Variants in EHD1 observed in about 807,000 individuals in gnomAD.
EHD1 encodes EH domain containing 1, also known as EH domain-containing protein 1.
Under a neutral mutation model 39.0 loss-of-function variants are expected in EHD1, and 19 were observed. That is an observed-to-expected ratio of 0.49 (90% CI 0.34 to 0.72). EHD1 has a LOEUF of 0.72. Among genes scored for constraint, EHD1 ranks in the 30% least tolerant of loss-of-function variants. EHD1 has a pLI of 0.01. For missense variants in EHD1, 542 were observed against 751.5 expected (o/e 0.72, Z 3.26); for synonymous variants, 323 against 331.2 (o/e 0.98, Z 0.27).
rs376541782 is a variant in EHD1 at position 64,878,492 on chromosome 11, G to A, written c.-28C>T. On this transcript the variant is annotated 5_prime_UTR_variant, in exon 1 of 5. Coordinates refer to ENST00000320631, the MANE Select transcript of EHD1 (RefSeq NM_006795.4). ...TGCCGGACACGGGGCTGGCTGCTGC[G>A]GGGCAGAGCGGCGGCTGAGAGCGGG... 143 of 1,568,100 alleles carry A rather than the reference G, an allele frequency of 9.1e-5. 2 individuals are homozygous for A. Among genetic ancestry groups the A allele is most frequent in the East Asian group, 3.4e-4 (15 of 44,286 alleles).
intron 2 of EHD1, among the ~76,000 whole-genome samples, chr11:64,863,689 A>G (rs1943738878): frequency 6.6e-6 from 1 of 152,188 alleles, no homozygotes; most frequent in African/African-American, 2.4e-5. Context: ...GCCCAAAGCC[A>G]CAGGGGCGCG....
intron 2 of EHD1, among the ~76,000 whole-genome samples, chr11:64,865,372 GC>G (rs1226399762): frequency 6.6e-6 from 1 of 152,252 alleles, no homozygotes; most frequent in Non-Finnish European, 1.5e-5. Flanking sequence ...GAGCTGGACG[GC>G]CGGTATCAAG....
chr11:64,867,989 G>A (rs999431479), intron 2 of EHD1, among the ~76,000 whole-genome samples: 3 of 152,210 alleles, frequency 2.0e-5, no homozygotes, highest in Non-Finnish European at 2.9e-5. Context: ...GCCTTACAGG[G>A]TCTGCCTTCC....
At chr11:64,872,682 C>G (rs1039583569) in intron 2 of EHD1, among the ~76,000 whole-genome samples, 2 of 151,984 alleles carry the variant, frequency 1.3e-5, no homozygotes, top group African/African-American at 4.8e-5. Flanking sequence ...AATCTAACAG[C>G]TTAACTGGCA....
At chr11:64,872,904 C>T (rs1943845055) in intron 2 of EHD1, among the ~76,000 whole-genome samples, 1 of 152,218 alleles carries the variant, frequency 6.6e-6, no homozygotes, top group Admixed American at 6.5e-5. Flanking sequence ...AAGGCCAGTC[C>T]AGAGGGTAAG....
At chr11:64,860,468 C>T (rs890421230) in intron 2 of EHD1, 132 bp from the exon 3 acceptor site, 125 of 1,272,504 alleles carry the variant, frequency 9.8e-5, no homozygotes, top group Non-Finnish European at 1.3e-4. Context: ...GGCGTGGTGG[C>T]TCACGCCTGT....
rs540475408 is a variant in EHD1, at chr11:64,863,987, G to A, written c.503-3651C>T. On this transcript the variant is annotated intron_variant, in intron 2 of 4. Transcript: ENST00000320631. ...GGCTCTGTGGGAACAAGGGGCCAGCGGCCTGGACCCATCACCGGTCAAGGA... is the reference window on the plus strand; with the variant it reads ...GGCTCTGTGGGAACAAGGGGCCAGCAGCCTGGACCCATCACCGGTCAAGGA... Among the ~76,000 whole-genome samples, 69 of 152,342 alleles carry A rather than the reference G, an allele frequency of 4.5e-4. 1 individual carries two copies. Among genetic ancestry groups the A allele is most frequent in the African/African-American group, 1.5e-3 (64 of 41,576 alleles).
intron 2 of EHD1, among the ~76,000 whole-genome samples, chr11:64,867,373 C>T (rs1023211264): frequency 1.3e-4 from 20 of 150,334 alleles, no homozygotes; most frequent in Admixed American, 8.0e-4. Flanking sequence ...GAGCTGAGAT[C>T]GCACCACTGC....
intron 3 of EHD1, among the ~76,000 whole-genome samples, chr11:64,857,967 A>G (rs1592745190): frequency 1.3e-5 from 2 of 151,006 alleles, no homozygotes; most frequent in Non-Finnish European, 2.9e-5. Context: ...GGCAGGCAGG[A>G]CAGTTCCCCA....
At chr11:64,874,743 C>T (rs1457566018) in intron 1 of EHD1, among the ~76,000 whole-genome samples, 1 of 152,252 alleles carries the variant, frequency 6.6e-6, no homozygotes, top group African/African-American at 2.4e-5. Context: ...TGACCCAAAT[C>T]AGCACTTCCT....
chr11:64,854,546 GC>G lies in EHD1; in HGVS notation c.1391del (p.Gly464AlafsTer9). ...TLSPVNGKIT[G>X]ANAKKEMVKS... ...TCACCATCTCCTTCTTGGCGTTGGCGCCCGTGATCTTGCCGTTGACAGGGGA... is the reference window on the plus strand; with the variant it reads ...TCACCATCTCCTTCTTGGCGTTGGCGCCGTGATCTTGCCGTTGACAGGGGA... On this transcript the variant is annotated frameshift_variant, in exon 5 of 5. Coordinates refer to ENST00000320631, the MANE Select transcript of EHD1 (RefSeq NM_006795.4). LOFTEE classifies it high-confidence loss of function. 3 of 1,614,128 alleles carry G rather than the reference GC, an allele frequency of 1.9e-6. No individual in the cohort carries two copies. Among genetic ancestry groups the G allele is most frequent in the Non-Finnish European group, 2.5e-6 (3 of 1,179,990 alleles).
At position 64,874,470 on chromosome 11, in the gene EHD1, G is replaced by A; in HGVS notation, c.453C>T (p.Ile151=). 1 of 1,611,472 alleles carries A rather than the reference G, an allele frequency of 6.2e-7. No individual in the cohort carries two copies. The highest frequency in any genetic ancestry group is 8.5e-7 in the Non-Finnish European group (1 of 1,179,006). The part of the protein sequence containing the change: ...LPNPVLDSIS[I]IDTPGILSGE... Reference sequence around the variant, plus strand: ...CAGACAGGATCCCGGGGGTGTCGATGATGCTGATGCTGTCCAGGACGGGGT... The same window carrying A: ...CAGACAGGATCCCGGGGGTGTCGATAATGCTGATGCTGTCCAGGACGGGGT... Residue 151 remains isoleucine (I), a synonymous_variant, in exon 2 of 5, where the codon ATC becomes ATT. Coordinates refer to ENST00000320631, the MANE Select transcript of EHD1 (RefSeq NM_006795.4).
chr11:64,854,522 C>T lies in EHD1; in HGVS notation c.1416G>A (p.Val472=), dbSNP rs768406850. Residue 472 remains valine, a synonymous_variant, in exon 5 of 5, where the codon GTG becomes GTA. Transcript: ENST00000320631. ...GCACGGTGTTGGGGAGCTTGGACTT[C>T]ACCATCTCCTTCTTGGCGTTGGCGC... ...ITGANAKKEM[V]KSKLPNTVLG... 10 of 1,614,092 alleles carry T rather than the reference C, an allele frequency of 6.2e-6. 1 individual carries two copies. In the South Asian group the frequency reaches 1.1e-4, roughly 18 times the overall value.
chr11:64,866,193 A>C (rs185489147), intron 2 of EHD1, among the ~76,000 whole-genome samples: 4 of 152,344 alleles, frequency 2.6e-5, no homozygotes, highest in Non-Finnish European at 1.5e-5. Context: ...GAACAAGATC[A>C]TGACCTTTGC....
At position 64,878,301 on chromosome 11, in the gene EHD1, A is replaced by T; in HGVS notation, c.164T>A (p.Phe55Tyr). The T allele has an allele frequency of 4.3e-6, 7 of 1,614,154 alleles. No individual in the cohort carries two copies. Among genetic ancestry groups the T allele is most frequent in the Non-Finnish European group, 5.9e-6 (7 of 1,180,020 alleles). The change falls in exon 1 of 5, where the codon TTC becomes TAC. Residue 55 changes from phenylalanine to tyrosine, a missense_variant. Coordinates refer to ENST00000320631, the MANE Select transcript of EHD1 (RefSeq NM_006795.4). ...FHSPALEDAD[F>Y]DNKPMVLLVG... ...GAGGAGCACCATAGGCTTGTTGTCGAAGTCAGCGTCCTCCAGCGCGGGCGA... is the reference window on the plus strand; with the variant it reads ...GAGGAGCACCATAGGCTTGTTGTCGTAGTCAGCGTCCTCCAGCGCGGGCGA...
At chr11:64,874,137 C>T (rs1377190508) in intron 2 of EHD1, among the ~76,000 whole-genome samples, 1 of 151,122 alleles carries the variant, frequency 6.6e-6, no homozygotes, top group East Asian at 2.0e-4. Context: ...AACCCCATCT[C>T]TACGAAAAAT....
intron 4 of EHD1, chr11:64,855,118 G>A (rs752368522): frequency 9.6e-6 from 9 of 932,800 alleles, no homozygotes; most frequent in South Asian, 7.1e-5. Context: ...CCCCCACCAC[G>A]CAGGGTGAGT....
intron 1 of EHD1, among the ~76,000 whole-genome samples, chr11:64,876,095 C>A (rs1943882727): frequency 6.6e-6 from 1 of 152,236 alleles, no homozygotes; most frequent in African/African-American, 2.4e-5. Context: ...GCACAGGTTT[C>A]ATCTCGCACA....
chr11:64,854,040 G>T lies in EHD1; in HGVS notation c.*293C>A. ...CAGCCACAGCAAAGGCCGGGGGGCAGAGGCCGTGCACACAGGGCTGGCACA... is the reference window on the plus strand; with the variant it reads ...CAGCCACAGCAAAGGCCGGGGGGCATAGGCCGTGCACACAGGGCTGGCACA... On this transcript the variant is annotated 3_prime_UTR_variant, in exon 5 of 5. Coordinates refer to ENST00000320631, the MANE Select transcript of EHD1 (RefSeq NM_006795.4). 1 of 506,628 alleles carries T rather than the reference G, an allele frequency of 2.0e-6. No individual in the cohort carries two copies. Among genetic ancestry groups the T allele is most frequent in the Non-Finnish European group, 3.5e-6 (1 of 284,344 alleles). The allele number at this position is 506,628 out of a possible 1,614,324, so 31.4% of individuals were successfully genotyped here. A position where few individuals can be genotyped will look rare whatever the true frequency, so the allele number is the denominator to read the frequency against.
Sources: allele counts gnomAD v4.1 joint callset (sites outside exome capture counted in the v4.1 genomes callset), GRCh38; gene constraint gnomAD v4.1.1; transcripts MANE v1.5; gene names NCBI Gene and HGNC (gene_info 2026-07-23, HGNC 2026-07-21).